STAG1: variants seen among roughly 807,000 people sequenced by gnomAD.
STAG1 encodes the protein cohesin subunit SA-1.
A neutral mutation model predicts 170.9 loss-of-function variants in STAG1; 26 were observed. The observed-to-expected ratio is 0.15, with a 90% CI of 0.11 to 0.21. The LOEUF is 0.21. Ranked by LOEUF, STAG1 falls within the 10% of genes least tolerant of loss-of-function variation. The pLI is 1.00. For missense variants in STAG1, 964 were observed against 1,509.5 expected (o/e 0.64, Z 5.99); for synonymous variants, 514 against 497.7 (o/e 1.03, Z -0.44).
At chr3:136,583,102 T>C (rs1338344681) in intron 4 of STAG1, among the ~76,000 whole-genome samples, 1 of 152,186 alleles carries the variant, frequency 6.6e-6, no homozygotes, top group African/African-American at 2.4e-5. Flanking sequence ...ATTATTTTGA[T>C]TAACCTTAGC....
At chr3:136,599,468 C>T (rs1385400750) in intron 4 of STAG1, among the ~76,000 whole-genome samples, 7 of 151,974 alleles carry the variant, frequency 4.6e-5, no homozygotes, top group African/African-American at 1.7e-4. Context: ...GAGACGGAGC[C>T]TGCAGTGAGC....
At chr3:136,660,665 A>AT (rs1318082057) in intron 1 of STAG1, among the ~76,000 whole-genome samples, 2 of 151,978 alleles carry the variant, frequency 1.3e-5, no homozygotes, top group Non-Finnish European at 2.9e-5. Flanking sequence ...CAAAGGGAGA[A>AT]TTTTTTTTAA....
intron 9 of STAG1, among the ~76,000 whole-genome samples, chr3:136,496,586 G>T (rs1193376625): frequency 6.6e-6 from 1 of 152,042 alleles, no homozygotes; most frequent in African/African-American, 2.4e-5. Context: ...AAGGAAACTA[G>T]ACAGTATTTT....
In STAG1 at chr3:136,548,810, G is replaced by A. The variant is rs530739561; in HGVS notation, c.395-6615C>T. On this transcript the variant is annotated intron_variant, in intron 5 of 33. Coordinates refer to ENST00000383202, the MANE Select transcript of STAG1 (RefSeq NM_005862.3). ...ATCCCCAATGTTGGAGGTGGGGCCT[G>A]GTAGGAGGTGGTTGGATCATGGGGA... is the stretch of plus-strand genomic sequence containing the variant. Among the ~76,000 whole-genome samples, 16 of 152,252 alleles carry A rather than the reference G, an allele frequency of 1.1e-4. No homozygotes were observed. The South Asian group carries it at 3.1e-3, about 30-fold the overall frequency.
intron 13 of STAG1, among the ~76,000 whole-genome samples, chr3:136,461,093 C>T (rs1037995428): frequency 6.6e-6 from 1 of 152,150 alleles, no homozygotes; most frequent in Non-Finnish European, 1.5e-5. Flanking sequence ...ACTCATATGA[C>T]CCTCTCAACA....
rs558720412 is a variant in STAG1, at chr3:136,575,644, C to T, written c.298-6783G>A. On this transcript the variant is annotated intron_variant, in intron 4 of 33. Transcript: ENST00000383202. ...CAAAGAGAAGGCTATAGCTTTAGAACATCTGAATCACAGATTATAGACACA... is the reference window on the plus strand; with the variant it reads ...CAAAGAGAAGGCTATAGCTTTAGAATATCTGAATCACAGATTATAGACACA... 5.3e-5 allele frequency among the ~76,000 whole-genome samples: 8 copies of T among 152,330 alleles called. No homozygotes were observed. In the South Asian group the frequency reaches 1.7e-3, roughly 32 times the overall value.
Position 136,360,578 on chromosome 3 carries a change from T to C in STAG1, c.2788-1282A>G, listed in dbSNP as rs115227948. 1.1e-3 allele frequency among the ~76,000 whole-genome samples: 165 copies of C among 152,342 alleles called. 1 individual carries two copies. The highest frequency in any genetic ancestry group is 3.3e-3 in the African/African-American group (139 of 41,584). ...TATGTTCTGCACCTTTTTAGTTTTC[T>C]TCAGCAATAGATTGGCCTGAACTAC... On this transcript the variant is annotated intron_variant, in intron 26 of 33. Transcript: ENST00000383202.
intron 1 of STAG1, among the ~76,000 whole-genome samples, chr3:136,647,624 T>C (rs919415038): frequency 6.6e-6 from 1 of 152,082 alleles, no homozygotes; most frequent in Non-Finnish European, 1.5e-5. Flanking sequence ...AAAAAAGATA[T>C]TCTTCTTGTT....
At chr3:136,533,828 G>A (rs541826286) in intron 6 of STAG1, among the ~76,000 whole-genome samples, 1 of 152,152 alleles carries the variant, frequency 6.6e-6, no homozygotes, top group South Asian at 2.1e-4. Context: ...CAAATTCAAT[G>A]TAATCCCTAT....
intron 23 of STAG1, among the ~76,000 whole-genome samples, chr3:136,372,296 A>G (rs1937385450): frequency 6.6e-6 from 1 of 152,244 alleles, no homozygotes; most frequent in Admixed American, 6.5e-5. Context: ...ATCTGCAAAC[A>G]GGGACAATTT....
intron 21 of STAG1, among the ~76,000 whole-genome samples, chr3:136,405,987 A>G (rs2087473127): frequency 6.6e-6 from 1 of 152,104 alleles, no homozygotes. Context: ...ACAGTTTCTA[A>G]TAAAGTTAAA....
chr3:136,443,126 G>T (rs959484812), intron 15 of STAG1, among the ~76,000 whole-genome samples, 161 bp downstream of exon 15: 3 of 152,130 alleles, frequency 2.0e-5, no homozygotes, highest in Non-Finnish European at 4.4e-5. Flanking sequence ...TGTTAGAAAC[G>T]ATTGACACAT....
intron 9 of STAG1, among the ~76,000 whole-genome samples, chr3:136,494,716 A>C (rs2107851110): frequency 1.3e-5 from 2 of 152,316 alleles, no homozygotes; most frequent in South Asian, 4.1e-4. Flanking sequence ...AAAATAAAGA[A>C]ATACATCAAT....
At chr3:136,595,608 T>C (rs1938385379) in intron 4 of STAG1, among the ~76,000 whole-genome samples, 1 of 150,806 alleles carries the variant, frequency 6.6e-6, no homozygotes, top group East Asian at 1.9e-4. Flanking sequence ...ATCCGGGAGG[T>C]GGAGCTTGTA....
intron 1 of STAG1, among the ~76,000 whole-genome samples, chr3:136,724,101 G>A (rs977249603): frequency 1.3e-5 from 2 of 152,094 alleles, no homozygotes; most frequent in East Asian, 1.9e-4. Flanking sequence ...TCTGGGAGGT[G>A]TACCCAACAG....
intron 1 of STAG1, among the ~76,000 whole-genome samples, chr3:136,681,554 T>C (rs545672379): frequency 6.6e-6 from 1 of 152,156 alleles, no homozygotes; most frequent in Non-Finnish European, 1.5e-5. Context: ...ATCTATAAAA[T>C]GAACACAGCC....
intron 1 of STAG1, among the ~76,000 whole-genome samples, chr3:136,715,031 TAA>T (rs937818651): frequency 1.5e-5 from 2 of 131,894 alleles, no homozygotes; most frequent in African/African-American, 5.4e-5. Flanking sequence ...ATATATAAAA[TAA>T]AAGTCAAGAT....
chr3:136,732,867 C>T (rs1934121379), intron 1 of STAG1, among the ~76,000 whole-genome samples: 1 of 151,898 alleles, frequency 6.6e-6, no homozygotes, highest in Non-Finnish European at 1.5e-5. Flanking sequence ...CTCGGCCTCC[C>T]AAACTGCTGG....
chr3:136,592,364 T>C (rs1419071776), intron 4 of STAG1, among the ~76,000 whole-genome samples: 2 of 152,126 alleles, frequency 1.3e-5, no homozygotes, highest in Admixed American at 1.3e-4. Flanking sequence ...GCATCTGGCA[T>C]TTCCCCTGCT....
Sources: allele counts gnomAD v4.1 joint callset (sites outside exome capture counted in the v4.1 genomes callset), GRCh38; gene constraint gnomAD v4.1.1; transcripts MANE v1.5; gene names NCBI Gene and HGNC (gene_info 2026-07-23, HGNC 2026-07-21).